KCNIP1: variants seen among roughly 807,000 people sequenced by gnomAD.
KCNIP1 encodes the protein potassium voltage-gated channel interacting protein 1.
A neutral mutation model predicts 33.0 loss-of-function variants in KCNIP1; 18 were observed. That is an observed-to-expected ratio of 0.55 (90% confidence interval 0.38 to 0.81). The LOEUF is 0.81. KCNIP1 is among the 30% of genes least tolerant of loss of function. KCNIP1 has a pLI of 0.00. For missense variants in KCNIP1, 238 were observed against 271.6 expected (o/e 0.88, Z 0.87); for synonymous variants, 93 against 98.3 (o/e 0.95, Z 0.32).
intron 1 of KCNIP1, among the ~76,000 whole-genome samples, chr5:170,434,229 T>G (rs1755808729): frequency 6.6e-6 from 1 of 152,116 alleles, no homozygotes; most frequent in Non-Finnish European, 1.5e-5. Flanking sequence ...AGATTAAGTA[T>G]GTATGTGTTA....
chr5:170,675,864 A>G (rs890763208), intron 1 of KCNIP1, among the ~76,000 whole-genome samples: 4 of 152,164 alleles, frequency 2.6e-5, no homozygotes, highest in Admixed American at 2.6e-4. Flanking sequence ...ACAAATATTT[A>G]TTGAGAAACT....
At chr5:170,428,245 G>A (rs538288241) in intron 1 of KCNIP1, among the ~76,000 whole-genome samples, 24 of 152,326 alleles carry the variant, frequency 1.6e-4, no homozygotes, top group Non-Finnish European at 2.8e-4. Context: ...GACTTGTGGG[G>A]ATGTCGTGGC....
chr5:170,462,978 G>A (rs1166696461), intron 1 of KCNIP1, among the ~76,000 whole-genome samples: 1 of 152,126 alleles, frequency 6.6e-6, no homozygotes, highest in Admixed American at 6.5e-5. Context: ...GGGAGAGGGT[G>A]GGGAGTGGAT....
chr5:170,373,976 C>A (rs1763919054), intron 1 of KCNIP1, among the ~76,000 whole-genome samples: 1 of 152,176 alleles, frequency 6.6e-6, no homozygotes, highest in Admixed American at 6.5e-5. Flanking sequence ...AGGAAGGTGG[C>A]ACTTTGCTCA....
intron 1 of KCNIP1, among the ~76,000 whole-genome samples, chr5:170,712,623 G>C (rs1211071395): frequency 6.6e-6 from 1 of 152,214 alleles, no homozygotes; most frequent in African/African-American, 2.4e-5. Context: ...CATGTTCAAT[G>C]AGCCCCTGTG....
intron 1 of KCNIP1, among the ~76,000 whole-genome samples, chr5:170,453,439 C>G (rs374431621): frequency 6.6e-6 from 1 of 152,156 alleles, no homozygotes; most frequent in Non-Finnish European, 1.5e-5. Flanking sequence ...CATCATTTAG[C>G]GGGGTACCAC....
At chr5:170,462,625 A>G (rs886593927) in intron 1 of KCNIP1, among the ~76,000 whole-genome samples, 1 of 152,174 alleles carries the variant, frequency 6.6e-6, no homozygotes, top group Non-Finnish European at 1.5e-5. Flanking sequence ...CAATCCCACT[A>G]CTGGGTGTCT....
intron 1 of KCNIP1, among the ~76,000 whole-genome samples, chr5:170,650,878 G>T (rs1328763138): frequency 6.6e-6 from 1 of 152,154 alleles, no homozygotes; most frequent in Non-Finnish European, 1.5e-5. Context: ...CAATATGAGA[G>T]GAAATATTTG....
Position 170,608,344 on chromosome 5 carries a change from ACAATTGCCAAAGT to A in KCNIP1, c.61+103714_61+103726del, listed in dbSNP as rs1168252323. On this transcript the variant is annotated intron_variant, in intron 1 of 7. Coordinates refer to ENST00000328939, the MANE Select transcript of KCNIP1 (RefSeq NM_014592.4). ...GGCTTCATGTCATAGTATTGTAAAG[ACAATTGCCAAAGT>A]CAGACAAGATCAGTTGTGTGATCTT... Among the ~76,000 whole-genome samples the A allele has an allele frequency of 3.9e-5, 6 of 152,316 alleles. No homozygotes were observed. In the East Asian group the frequency reaches 1.2e-3, roughly 29 times the overall value.
intron 1 of KCNIP1, among the ~76,000 whole-genome samples, chr5:170,548,368 G>T (rs959587550): frequency 6.6e-6 from 1 of 152,130 alleles, no homozygotes; most frequent in Admixed American, 6.5e-5. Flanking sequence ...TTTCTTGTGT[G>T]TTTTACAATT....
chr5:170,615,888 G>C (rs1759351109), intron 1 of KCNIP1, among the ~76,000 whole-genome samples: 1 of 152,212 alleles, frequency 6.6e-6, no homozygotes, highest in East Asian at 1.9e-4. Context: ...CATAGTGAGT[G>C]CTTCCTATAA....
intron 1 of KCNIP1, among the ~76,000 whole-genome samples, chr5:170,388,731 C>A (rs79653916): frequency 6.6e-6 from 1 of 152,186 alleles, no homozygotes; most frequent in Non-Finnish European, 1.5e-5. Flanking sequence ...AATCCTGGCT[C>A]TGCCACTTAC....
At chr5:170,550,590 AATG>A (rs765554493) in intron 1 of KCNIP1, among the ~76,000 whole-genome samples, 29 of 134,162 alleles carry the variant, frequency 2.2e-4, no homozygotes, top group South Asian at 7.3e-4. Context: ...TGATGATGGC[AATG>A]ATGATGATGA....
At chr5:170,699,375 T>C (rs1309057308) in intron 1 of KCNIP1, among the ~76,000 whole-genome samples, 1 of 152,086 alleles carries the variant, frequency 6.6e-6, no homozygotes, top group Non-Finnish European at 1.5e-5. Context: ...ATCTGAAATC[T>C]GCACAGGGTC....
At chr5:170,689,406 C>T (rs922146914) in intron 1 of KCNIP1, among the ~76,000 whole-genome samples, 3 of 152,202 alleles carry the variant, frequency 2.0e-5, no homozygotes, top group African/African-American at 7.2e-5. Context: ...CTTGAAACAA[C>T]TTTATGAGGA....
chr5:170,614,623 T>A (rs1300419886), intron 1 of KCNIP1, among the ~76,000 whole-genome samples: 1 of 152,266 alleles, frequency 6.6e-6, no homozygotes, highest in Non-Finnish European at 1.5e-5. Flanking sequence ...CCGTTGAGAA[T>A]GCCTGTTGTA....
chr5:170,373,523 TA>T (rs1195432188), intron 1 of KCNIP1, among the ~76,000 whole-genome samples: 6 of 152,380 alleles, frequency 3.9e-5, no homozygotes, highest in Middle Eastern at 3.4e-3. Flanking sequence ...CTAAGAATGG[TA>T]AAAATATTTA....
chr5:170,636,242 G>A (rs1047053104), intron 1 of KCNIP1, among the ~76,000 whole-genome samples: 3 of 152,226 alleles, frequency 2.0e-5, no homozygotes, highest in Non-Finnish European at 2.9e-5. Flanking sequence ...TAGAGACAGC[G>A]TTTAAAGCTG....
intron 1 of KCNIP1, among the ~76,000 whole-genome samples, chr5:170,425,942 G>C (rs1057195743): frequency 3.3e-5 from 5 of 152,204 alleles, no homozygotes; most frequent in Non-Finnish European, 5.9e-5. Flanking sequence ...CTGAATTGCA[G>C]CACTGGTCCG....
Sources: allele counts gnomAD v4.1 joint callset (sites outside exome capture counted in the v4.1 genomes callset), GRCh38; gene constraint gnomAD v4.1.1; transcripts MANE v1.5; gene names NCBI Gene and HGNC (gene_info 2026-07-23, HGNC 2026-07-21).